ANKH: variants seen among roughly 807,000 people sequenced by gnomAD.
ANKH encodes the protein mineralization regulator ANKH.
A neutral mutation model predicts 49.0 loss-of-function variants in ANKH; 15 were observed. The observed-to-expected ratio is 0.31, with a 90% CI of 0.20 to 0.47. The LOEUF is 0.47. Among genes scored for constraint, ANKH ranks in the 20% least tolerant of loss-of-function variants. ANKH has a pLI of 1.00. For synonymous variants in ANKH, 273 were observed against 260.0 expected (o/e 1.05, Z -0.48); for missense variants, 429 against 652.0 (o/e 0.66, Z 3.72).
At chr5:14,731,825 G>A (rs565504859) in intron 8 of ANKH, among the ~76,000 whole-genome samples, 2 of 152,362 alleles carry the variant, frequency 1.3e-5, no homozygotes, top group African/African-American at 2.4e-5. Flanking sequence ...ATGGGCTGAC[G>A]TGTTCTGCTC....
intron 1 of ANKH, among the ~76,000 whole-genome samples, chr5:14,783,569 G>T (rs1409198380): frequency 6.6e-6 from 1 of 152,142 alleles, no homozygotes; most frequent in African/African-American, 2.4e-5. Context: ...ATACAAGAAA[G>T]GACAAAGGAT....
At chr5:14,722,520 T>C (rs76930767) in intron 8 of ANKH, among the ~76,000 whole-genome samples, 4,141 of 152,272 alleles carry the variant, frequency 0.027, 176 homozygotes, top group African/African-American at 0.095. Context: ...GAAGGAAGGC[T>C]GTGCCCCAAA....
At chr5:14,757,430 A>ATATATATATATATTTTTTTTTTTT (rs1379233165) in intron 3 of ANKH, among the ~76,000 whole-genome samples, 1 of 113,818 alleles carries the variant, frequency 8.8e-6, no homozygotes, top group African/African-American at 3.3e-5. Context: ...ATATATATAT[A>ATATATATATATATTTTTTTTTTTT]TTTTTTTTTT....
intron 8 of ANKH, among the ~76,000 whole-genome samples, chr5:14,731,272 T>C (rs993243781): frequency 1.3e-5 from 2 of 152,130 alleles, no homozygotes; most frequent in African/African-American, 2.4e-5. Context: ...TGCACACAAG[T>C]GTCATGTCTA....
At position 14,710,929 on chromosome 5, in the gene ANKH, C is replaced by T. The variant is rs1227045558; in HGVS notation, c.*268G>A. On this transcript the variant is annotated 3_prime_UTR_variant, in exon 12 of 12. Coordinates refer to ENST00000284268, the MANE Select transcript of ANKH (RefSeq NM_054027.6). ...AACGTCAACCGTGAGGCAGCTGTGT[C>T]TTTTGGGTTTTCGTGAGGCAGGGGT... 5 of 445,074 alleles carry T rather than the reference C, an allele frequency of 1.1e-5. No homozygotes were observed. The highest frequency in any genetic ancestry group is 2.0e-5 in the African/African-American group (1 of 49,766). The allele number at this position is 445,074 out of a possible 1,614,324, so 27.6% of individuals were successfully genotyped here. A position where few individuals can be genotyped will look rare whatever the true frequency, so the allele number is the denominator to read the frequency against.
In ANKH at chr5:14,860,711, G is replaced by A. The variant is rs144374378; in HGVS notation, c.96+10641C>T. Among the ~76,000 whole-genome samples, 3 of 152,120 alleles carry A rather than the reference G, an allele frequency of 2.0e-5. No individual in the cohort carries two copies. In the East Asian group the frequency reaches 5.8e-4, roughly 29 times the overall value. On this transcript the variant is annotated intron_variant, in intron 1 of 11. Coordinates refer to ENST00000284268, the MANE Select transcript of ANKH (RefSeq NM_054027.6). ...CAAACGGCAAATTAGAAAACGGCAG[G>A]CAGAAACTCAAATACTCTCCTCCAC...
At chr5:14,741,418 C>G (rs890085889) in intron 8 of ANKH, 3 of 250,686 alleles carry the variant, frequency 1.2e-5, no homozygotes, top group African/African-American at 7.0e-5. Flanking sequence ...GCTATGTCAG[C>G]ACAAACATAA....
Position 14,769,037 on chromosome 5 carries a change from G to A in ANKH, c.251C>T (p.Thr84Ile), listed in dbSNP as rs1451802382. ...CACCACCATACACAGGACGGCTTTGGTCCTGTCTCTCTTGCTGTTCACAAA... is the reference window on the plus strand; with the variant it reads ...CACCACCATACACAGGACGGCTTTGATCCTGTCTCTCTTGCTGTTCACAAA... ...LVFVNSKRDR[T>I]KAVLCMVVAG... Residue 84 changes from threonine to isoleucine, a missense_variant, in exon 2 of 12, where the codon ACC becomes ATC. Around this residue, in one of 2 missense-constraint regions of ANKH, gnomAD observed 378 missense variants for 615.3 expected, o/e 0.61. Coordinates refer to ENST00000284268, the MANE Select transcript of ANKH (RefSeq NM_054027.6). 1.9e-6 allele frequency: 3 copies of A among 1,614,190 alleles called. No individual in the cohort carries two copies. In the South Asian group the frequency reaches 3.3e-5, roughly 18 times the overall value.
rs772679448 is a variant in ANKH, at chr5:14,722,094, G to C, written c.1012-5259C>G. 7.6e-4 allele frequency among the ~76,000 whole-genome samples: 115 copies of C among 152,244 alleles called. 2 individuals are homozygous for C. The highest frequency in any genetic ancestry group is 1.3e-3 in the Admixed American group (20 of 15,292). ...CCATTTGAAAAAACAGGACGCTTTA[G>C]AAGTTCCCTTGACAAAGAGTATCAG... On this transcript the variant is annotated intron_variant, in intron 8 of 11. Transcript: ENST00000284268.
intron 1 of ANKH, among the ~76,000 whole-genome samples, chr5:14,847,015 A>C (rs891085247): frequency 3.3e-5 from 5 of 151,692 alleles, no homozygotes; most frequent in Non-Finnish European, 7.4e-5. Flanking sequence ...CAAAAAAAAA[A>C]AAAAAAACAA....
At position 14,731,242 on chromosome 5, in the gene ANKH, G is replaced by A. The variant is rs76862849; in HGVS notation, c.1011+10585C>T. 3.8e-4 allele frequency among the ~76,000 whole-genome samples: 58 copies of A among 152,234 alleles called. No individual in the cohort carries two copies. The East Asian group carries it at 4.5e-3, about 12-fold the overall frequency. On this transcript the variant is annotated intron_variant, in intron 8 of 11. Coordinates refer to ENST00000284268, the MANE Select transcript of ANKH (RefSeq NM_054027.6). ...TCGGCCATGGCTAGGAGGGAGAGGC[G>A]GGCTGAAGGGGCAGCCTGGTGCACA...
rs1467902070 is a variant in ANKH, at chr5:14,705,715, C to T, written c.*5482G>A. The stretch of plus-strand genomic sequence containing the variant: ...TGCAAGGCTTGTGGATGTGGCAGCC[C>T]TGGGGTAAGGGACCTGCTGCACGGT... On this transcript the variant is annotated 3_prime_UTR_variant, in exon 12 of 12. Coordinates refer to ENST00000284268, the MANE Select transcript of ANKH (RefSeq NM_054027.6). The T allele has an allele frequency of 6.5e-6, 1 of 152,984 alleles. No homozygotes were observed. The highest frequency in any genetic ancestry group is 1.5e-5 in the Non-Finnish European group (1 of 68,254). 9.5% of individuals were successfully genotyped at this position (152,984 alleles called of 1,614,324 possible).
At chr5:14,865,397 T>C (rs993960354) in intron 1 of ANKH, among the ~76,000 whole-genome samples, 1 of 152,174 alleles carries the variant, frequency 6.6e-6, no homozygotes, top group Admixed American at 6.5e-5. Context: ...CTTTAAACAA[T>C]TAGCTGATAT....
chr5:14,855,847 A>AG (rs1735222472), intron 1 of ANKH, among the ~76,000 whole-genome samples: 1 of 150,948 alleles, frequency 6.6e-6, no homozygotes, highest in Non-Finnish European at 1.5e-5. Flanking sequence ...AAAAAGAAAA[A>AG]GAAAAAAAAA....
At chr5:14,728,813 A>G (rs1019686037) in intron 8 of ANKH, among the ~76,000 whole-genome samples, 6 of 152,198 alleles carry the variant, frequency 3.9e-5, no homozygotes, top group Non-Finnish European at 8.8e-5. Flanking sequence ...AGCACATGAC[A>G]GAAGGACTCA....
intron 1 of ANKH, among the ~76,000 whole-genome samples, chr5:14,782,837 C>T (rs1215815930): frequency 2.6e-5 from 4 of 152,178 alleles, no homozygotes; most frequent in African/African-American, 9.7e-5. Flanking sequence ...GGCCATCTTG[C>T]AAAGCTCATG....
At chr5:14,750,197 T>C (rs1226333323) in intron 5 of ANKH, among the ~76,000 whole-genome samples, 1 of 152,160 alleles carries the variant, frequency 6.6e-6, no homozygotes, top group African/African-American at 2.4e-5. Flanking sequence ...AGGGGATGAA[T>C]TCAGGGCTAT....
At chr5:14,864,116 G>A (rs918084153) in intron 1 of ANKH, among the ~76,000 whole-genome samples, 2 of 152,200 alleles carry the variant, frequency 1.3e-5, no homozygotes, top group African/African-American at 2.4e-5. Context: ...CAGAGGCTGA[G>A]GCTGGAGGAT....
chr5:14,809,497 G>A (rs149498075), intron 1 of ANKH, among the ~76,000 whole-genome samples: 2 of 152,248 alleles, frequency 1.3e-5, no homozygotes, highest in African/African-American at 4.8e-5. Context: ...AGGTGCTGCA[G>A]TGAGCCGTGA....
Sources: gnomAD v4.1 joint callset for allele counts (sites outside exome capture counted in the v4.1 genomes callset) on GRCh38, gnomAD v4.1.1 for gene constraint, gnomAD v4.1.1 regional missense constraint, MANE v1.5 for transcripts, NCBI Gene and HGNC (gene_info 2026-07-23, HGNC 2026-07-21) for gene names.